Variants in CDH23 observed in about 807,000 individuals in gnomAD.
CDH23 encodes cadherin related 23, also known as cadherin-23.
CDH23 carries 189 observed loss-of-function variants against 317.1 expected under a neutral mutation model. That is an observed-to-expected ratio of 0.60 (90% CI 0.53 to 0.67). The LOEUF (loss-of-function observed/expected upper bound fraction) is 0.67, where lower values mean the gene tolerates loss of function less well. CDH23 is among the 30% of genes least tolerant of loss of function. The probability of loss-of-function intolerance (pLI) is 0.00; values close to 1 mark genes in which losing one functional copy is unlikely to be tolerated. For synonymous variants in CDH23, 1,839 were observed against 1,876.8 expected, an observed-to-expected ratio of 0.98 and a Z score of 0.52; for missense variants, 4,401 against 4,592.4, an observed-to-expected ratio of 0.96 and a Z score of 1.20.
intron 11 of CDH23, among the ~76,000 whole-genome samples, chr10:71,636,572 C>T (rs910462702): frequency 3.9e-5 from 6 of 152,182 alleles, no homozygotes; most frequent in African/African-American, 9.7e-5. Flanking sequence ...CCCATCCAAG[C>T]TTCCCATGTG....
At chr10:71,785,922 T>C (rs1841094333) in intron 44 of CDH23, among the ~76,000 whole-genome samples, 184 bp downstream of exon 44, 1 of 152,206 alleles carries the variant, frequency 6.6e-6, no homozygotes. Context: ...AGTTAACTCC[T>C]CTTGGCCTCC....
intron 38 of CDH23, among the ~76,000 whole-genome samples, chr10:71,764,513 A>C (rs1840481402): frequency 6.6e-6 from 1 of 152,212 alleles, no homozygotes; most frequent in South Asian, 2.1e-4. Flanking sequence ...AACATTTAAA[A>C]ACCAGGAATT....
intron 2 of CDH23, among the ~76,000 whole-genome samples, chr10:71,445,847 C>CAAAAAA (rs34460284): frequency 4.3e-4 from 40 of 92,016 alleles, no homozygotes; most frequent in African/African-American, 1.5e-3. Flanking sequence ...GACTCTGTCT[C>CAAAAAA]AAAAAAAAAA....
rs1187982729 is a variant in CDH23 at position 71,533,953 on chromosome 10, C to A, written c.429+22741C>A. Among the ~76,000 whole-genome samples the A allele has an allele frequency of 4.6e-5, 7 of 152,250 alleles. 1 individual carries two copies. Among genetic ancestry groups the A allele is most frequent in the Admixed American group, 4.6e-4 (7 of 15,292 alleles). On this transcript the variant is annotated intron_variant, in intron 6 of 69. Transcript: ENST00000224721. ...GGTTTCAAAACCAGCACCTTTGAAG[C>A]TCCCACTGTCCCCTCCTCATTCCCG...
chr10:71,624,772 C>T (rs1589273338), intron 11 of CDH23, among the ~76,000 whole-genome samples: 1 of 130,132 alleles, frequency 7.7e-6, no homozygotes, highest in African/African-American at 3.5e-5. Context: ...TATTATTATC[C>T]CCTGTCCTTT....
chr10:71,785,123 G>C, intron 43 of CDH23, 23 bp downstream of exon 43: 1 of 1,596,854 alleles, frequency 6.3e-7, no homozygotes. Flanking sequence ...CTGACCCCAG[G>C]GAGCTTCCCA....
chr10:71,718,021 G>C (rs1694133104), intron 28 of CDH23: 1 of 152,232 alleles, frequency 6.6e-6, no homozygotes, highest in African/African-American at 2.4e-5. Flanking sequence ...TACTGACGTG[G>C]ACAAGCAATC....
chr10:71,705,777 C>T (rs1054526655), intron 25 of CDH23, among the ~76,000 whole-genome samples: 4 of 152,146 alleles, frequency 2.6e-5, no homozygotes, highest in Admixed American at 2.6e-4. Context: ...AGGAATAACC[C>T]CAGGGAAATA....
At chr10:71,672,709 T>C (rs117248164) in intron 14 of CDH23, among the ~76,000 whole-genome samples, 1 of 152,068 alleles carries the variant, frequency 6.6e-6, no homozygotes, top group African/African-American at 2.4e-5. Flanking sequence ...CAGCTTCTGC[T>C]CTAAGACAGT....
intron 3 of CDH23, among the ~76,000 whole-genome samples, chr10:71,501,149 G>A (rs1056069670): frequency 7.2e-5 from 11 of 152,174 alleles, no homozygotes; most frequent in East Asian, 5.8e-4. Context: ...ATTACAAGGC[G>A]TGAGGCACTG....
chr10:71,456,868 T>A (rs1326373700), intron 3 of CDH23, among the ~76,000 whole-genome samples: 1 of 152,250 alleles, frequency 6.6e-6, no homozygotes, highest in Non-Finnish European at 1.5e-5. Context: ...ACAGCTTGTG[T>A]AGAGTCAAAA....
At chr10:71,561,120 TC>T (rs1189304407) in intron 6 of CDH23, among the ~76,000 whole-genome samples, 2 of 152,152 alleles carry the variant, frequency 1.3e-5, no homozygotes, top group Admixed American at 1.3e-4. Flanking sequence ...TAAGTTTTCC[TC>T]TAGAATGTCT....
chr10:71,754,903 A>G (rs1840094265), intron 38 of CDH23, among the ~76,000 whole-genome samples: 1 of 152,202 alleles, frequency 6.6e-6, no homozygotes, highest in Admixed American at 6.5e-5. Flanking sequence ...TCTCATCTGG[A>G]AAAAGAAAGG....
chr10:71,747,337 C>T lies in CDH23; in HGVS notation c.4845+5416C>T, dbSNP rs542972428. ...ATGGAAGGAGCCTACCCATCAGCAG[C>T]AGCGTCTTCTGGACCCAGAAGAAGG... is the stretch of plus-strand genomic sequence containing the variant. On this transcript the variant is annotated intron_variant, in intron 38 of 69. Transcript: ENST00000224721. Among the ~76,000 whole-genome samples, 103 of 152,332 alleles carry T rather than the reference C, an allele frequency of 6.8e-4. No homozygotes were observed. In the South Asian group the frequency reaches 0.02, roughly 29 times the overall value.
chr10:71,729,417 G>A (rs1052903952), intron 30 of CDH23, among the ~76,000 whole-genome samples: 3 of 152,174 alleles, frequency 2.0e-5, no homozygotes, highest in African/African-American at 7.2e-5. Context: ...CGTCCCCCAG[G>A]GAGCCCTAAA....
At chr10:71,581,793 A>G (rs1564667261) in intron 9 of CDH23, among the ~76,000 whole-genome samples, 2 of 152,280 alleles carry the variant, frequency 1.3e-5, no homozygotes, top group East Asian at 3.9e-4. Context: ...GCAGGCTCCC[A>G]TCCCCAAAGG....
chr10:71,545,682 TG>T (rs1295938627), intron 6 of CDH23, among the ~76,000 whole-genome samples: 1 of 152,004 alleles, frequency 6.6e-6, no homozygotes, highest in African/African-American at 2.4e-5. Context: ...TTTCATCTAG[TG>T]GGGGAGACAA....
chr10:71,777,804 T>G lies in CDH23; in HGVS notation c.4970T>G (p.Ile1657Ser). The G allele has an allele frequency of 6.2e-7, 1 of 1,613,902 alleles. No individual in the cohort carries two copies. The highest frequency in any genetic ancestry group is 8.5e-7 in the Non-Finnish European group (1 of 1,179,870). Residue 1657 changes from isoleucine (I) to serine (S), a missense_variant, in exon 39 of 70, where the codon ATC (isoleucine) becomes AGC (serine). Transcript: ENST00000224721. ...PDTLNTSLIT[I>S]QALDLDEGPN... ...ACGCTCAACACCAGCCTCATCACCA[T>G]CCAGGCACTGGACCTGGATGAGGGT... is the stretch of plus-strand genomic sequence containing the variant.
rs554036391 is a variant in CDH23 at position 71,805,871 on chromosome 10, G to A, written c.7938G>A (p.Gly2646=). 6.2e-7 allele frequency: 1 copy of A among 1,613,852 alleles called. No individual in the cohort carries two copies. The highest frequency in any genetic ancestry group is 2.2e-5 in the East Asian group (1 of 44,882). The change falls in exon 56 of 70, where the codon GGG becomes GGA. Residue 2646 remains glycine (G), a synonymous_variant. Transcript: ENST00000224721. The part of the protein sequence containing the change: ...YATDKDEGLN[G]AVRYSFLKTA... ...CGGACAAGGATGAGGGCCTCAACGG[G>A]GCGGTGCGCTACAGCTTCCTGAAGA...
Sources: gnomAD v4.1 joint callset for allele counts (sites outside exome capture counted in the v4.1 genomes callset) on GRCh38, gnomAD v4.1.1 for gene constraint, MANE v1.5 for transcripts, NCBI Gene and HGNC (gene_info 2026-07-23, HGNC 2026-07-21) for gene names.